The following GRB10 variants were observed in gnomAD, a reference collection of about 807,000 sequenced individuals.
GRB10 encodes growth factor receptor-bound protein 10.
Under a neutral mutation model 80.9 loss-of-function variants are expected in GRB10, and 20 were observed. That is an observed-to-expected ratio of 0.25 (90% CI 0.17 to 0.36). The LOEUF (loss-of-function observed/expected upper bound fraction) is 0.36. Ranked by LOEUF, GRB10 falls within the 10% of genes least tolerant of loss-of-function variation. The pLI is 1.00. For missense variants in GRB10, 548 were observed against 747.7 expected (o/e 0.73, Z 3.12); for synonymous variants, 291 against 291.5 (o/e 1.00, Z 0.02).
At chr7:50,645,123 T>C (rs3807547) in intron 7 of GRB10, among the ~76,000 whole-genome samples, 40,784 of 152,178 alleles carry the variant, frequency 0.27, 6,689 homozygotes, top group Middle Eastern at 0.5. Context: ...AGATAAAATT[T>C]TCACCCTCAA....
chr7:50,773,217 T>G (rs1272702080), intron 2 of GRB10, among the ~76,000 whole-genome samples: 1 of 151,824 alleles, frequency 6.6e-6, no homozygotes, highest in Non-Finnish European at 1.5e-5. Context: ...GTGATTCAAT[T>G]ACCTCCCACC....
chr7:50,598,988 T>C (rs537522486), intron 17 of GRB10, among the ~76,000 whole-genome samples: 5 of 124,030 alleles, frequency 4.0e-5, no homozygotes, highest in Admixed American at 3.3e-4. Context: ...GGGATAAGCA[T>C]GGTGTTGGGG....
chr7:50,682,025 G>A (rs780202645), intron 5 of GRB10, among the ~76,000 whole-genome samples: 1 of 152,158 alleles, frequency 6.6e-6, no homozygotes, highest in Non-Finnish European at 1.5e-5. Context: ...GATGGTAGGG[G>A]GCTTTGCTTT....
intron 4 of GRB10, chr7:50,710,774 A>T: frequency 7.7e-7 from 1 of 1,298,322 alleles, no homozygotes; most frequent in Non-Finnish European, 1.1e-6. Context: ...CAGAACGACC[A>T]CTTCATAGGT....
intron 7 of GRB10, among the ~76,000 whole-genome samples, chr7:50,657,401 A>G (rs1200167972): frequency 6.6e-6 from 1 of 152,114 alleles, no homozygotes; most frequent in Non-Finnish European, 1.5e-5. Context: ...CTGGCATGGC[A>G]ACACTGCTTC....
At chr7:50,710,536 G>A (rs1050031466) in intron 4 of GRB10, among the ~76,000 whole-genome samples, 1 of 152,168 alleles carries the variant, frequency 6.6e-6, no homozygotes, top group South Asian at 2.1e-4. Context: ...TTCATTGGGC[G>A]ATTCAGGCAG....
At chr7:50,787,078 A>G (rs1279711432), upstream of GRB10, among the ~76,000 whole-genome samples, 3 of 152,254 alleles carry the variant, frequency 2.0e-5, no homozygotes, top group African/African-American at 7.2e-5. Context: ...ATCACAGTAT[A>G]CTACATGGCT....
intron 6 of GRB10, among the ~76,000 whole-genome samples, chr7:50,670,741 A>G (rs2060274674): frequency 6.6e-6 from 1 of 152,236 alleles, no homozygotes. Context: ...AAATGAAAAT[A>G]CAAGAAAAGG....
intron 4 of GRB10, among the ~76,000 whole-genome samples, chr7:50,721,356 ACG>A (rs1484828628): frequency 6.6e-6 from 1 of 152,228 alleles, no homozygotes; most frequent in Non-Finnish European, 1.5e-5. Context: ...TCCAAGATCC[ACG>A]CTGCAGGCGC....
At chr7:50,677,320 G>T (rs553598914) in intron 5 of GRB10, among the ~76,000 whole-genome samples, 1 of 152,306 alleles carries the variant, frequency 6.6e-6, no homozygotes, top group South Asian at 2.1e-4. Context: ...CTTGCTCATA[G>T]CTGGGGTGAG....
chr7:50,780,394 T>C (rs894713320), intron 2 of GRB10, among the ~76,000 whole-genome samples: 34 of 152,210 alleles, frequency 2.2e-4, no homozygotes, highest in Admixed American at 1.8e-3. Flanking sequence ...ACAGGACTCA[T>C]ACTGCCTCAA....
chr7:50,715,664 T>TA (rs2066739981), intron 4 of GRB10, among the ~76,000 whole-genome samples: 1 of 152,180 alleles, frequency 6.6e-6, no homozygotes, highest in Non-Finnish European at 1.5e-5. Context: ...CGTCTAAACT[T>TA]CTTCTGAGTT....
chr7:50,752,316 A>G (rs79617314), intron 3 of GRB10, among the ~76,000 whole-genome samples: 4 of 152,110 alleles, frequency 2.6e-5, no homozygotes, highest in Non-Finnish European at 4.4e-5. Context: ...ATGTCAAAAA[A>G]GGAAGGCTGA....
At chr7:50,676,574 C>T (rs1220316015) in intron 5 of GRB10, among the ~76,000 whole-genome samples, 1 of 152,216 alleles carries the variant, frequency 6.6e-6, no homozygotes, top group Non-Finnish European at 1.5e-5. Context: ...ATCCCTCATT[C>T]TCTCCTACCA....
At chr7:50,685,694 A>C (rs1256257908) in intron 5 of GRB10, among the ~76,000 whole-genome samples, 1 of 152,180 alleles carries the variant, frequency 6.6e-6, no homozygotes, top group Non-Finnish European at 1.5e-5. Flanking sequence ...AAGAGTTTTA[A>C]AATGAGATCT....
chr7:50,664,084 C>T (rs1485954700), intron 7 of GRB10, among the ~76,000 whole-genome samples: 3 of 152,220 alleles, frequency 2.0e-5, no homozygotes, highest in African/African-American at 7.2e-5. Context: ...GCTGTGGACA[C>T]AGGGCCCCTC....
At chr7:50,648,047 G>A (rs924605991) in intron 7 of GRB10, among the ~76,000 whole-genome samples, 1 of 152,142 alleles carries the variant, frequency 6.6e-6, no homozygotes, top group Non-Finnish European at 1.5e-5. Context: ...TGGGCCTTGA[G>A]GAAGAGTTTG....
chr7:50,620,358 C>A (rs2051472412), intron 8 of GRB10, among the ~76,000 whole-genome samples: 1 of 152,160 alleles, frequency 6.6e-6, no homozygotes, highest in African/African-American at 2.4e-5. Context: ...AAAGTTTCAT[C>A]TTGGAAGGAA....
chr7:50,709,544 C>G (rs543561994), intron 4 of GRB10, among the ~76,000 whole-genome samples: 1 of 148,882 alleles, frequency 6.7e-6, no homozygotes, highest in Non-Finnish European at 1.5e-5. Context: ...TCTCCAGACC[C>G]CTCCATTAAA....
Sources: allele counts gnomAD v4.1 joint callset (sites outside exome capture counted in the v4.1 genomes callset), GRCh38; gene constraint gnomAD v4.1.1; transcripts MANE v1.5; gene names NCBI Gene and HGNC (gene_info 2026-07-23, HGNC 2026-07-21).